The following EIPR1 variants were observed in gnomAD, a reference collection of about 807,000 sequenced individuals.
EIPR1 encodes the protein EARP and GARP complex-interacting protein 1.
EIPR1 carries 25 observed loss-of-function variants against 48.1 expected under a neutral mutation model. That is an observed-to-expected ratio of 0.52 (90% CI 0.38 to 0.73). EIPR1 has a LOEUF of 0.73. Ranked by LOEUF, EIPR1 falls within the 30% of genes least tolerant of loss-of-function variation. The probability of loss-of-function intolerance (pLI) is 0.00; values close to 1 mark genes in which losing one functional copy is unlikely to be tolerated. For missense variants in EIPR1, 415 were observed against 506.2 expected (o/e 0.82, Z 1.73); for synonymous variants, 204 against 201.9 (o/e 1.01, Z -0.09).
chr2:3,193,112 C>T (rs1306159653), intron 7 of EIPR1, among the ~76,000 whole-genome samples: 1 of 152,212 alleles, frequency 6.6e-6, no homozygotes, highest in Non-Finnish European at 1.5e-5. Context: ...CCAAAACAAG[C>T]TCCAGGGCCC....
At chr2:3,292,489 C>T (rs192230287) in intron 3 of EIPR1, among the ~76,000 whole-genome samples, 23 of 152,292 alleles carry the variant, frequency 1.5e-4, no homozygotes, top group Middle Eastern at 3.4e-3. Flanking sequence ...CACAGACAGC[C>T]GGCTCTGCGC....
In EIPR1 at chr2:3,225,587, T is replaced by A. The variant is rs188394605; in HGVS notation, c.417-11339A>T. Among the ~76,000 whole-genome samples, 520 of 152,316 alleles carry A rather than the reference T, an allele frequency of 3.4e-3. 4 individuals are homozygous for A. The highest frequency in any genetic ancestry group is 0.012 in the African/African-American group (498 of 41,548). On this transcript the variant is annotated intron_variant, in intron 4 of 8. Transcript: ENST00000382125. The stretch of plus-strand genomic sequence containing the variant: ...ATATGCACACACATTGTGAAATGAC[T>A]GCCACAATTAACTAATAACATATCC...
intron 5 of EIPR1, among the ~76,000 whole-genome samples, chr2:3,211,795 C>T (rs756784018): frequency 6.6e-6 from 1 of 152,200 alleles, no homozygotes; most frequent in African/African-American, 2.4e-5. Flanking sequence ...CCGCCACTGT[C>T]GGCTCCTTGA....
At chr2:3,258,106 T>A (rs1051332660) in intron 3 of EIPR1, among the ~76,000 whole-genome samples, 2 of 151,362 alleles carry the variant, frequency 1.3e-5, no homozygotes, top group African/African-American at 4.9e-5. Context: ...CCTTACACGA[T>A]CCTGCTGGTG....
At chr2:3,281,988 T>C (rs1668027164) in intron 3 of EIPR1, among the ~76,000 whole-genome samples, 1 of 152,198 alleles carries the variant, frequency 6.6e-6, no homozygotes, top group African/African-American at 2.4e-5. Context: ...CAAGTTCAAA[T>C]GCCAGGATGC....
intron 2 of EIPR1, among the ~76,000 whole-genome samples, chr2:3,346,000 A>C (rs1670389476): frequency 6.6e-6 from 1 of 152,264 alleles, no homozygotes; most frequent in Admixed American, 6.5e-5. Flanking sequence ...GGAAACCCTT[A>C]TGAAACAGAT....
intron 5 of EIPR1, among the ~76,000 whole-genome samples, chr2:3,197,413 T>G (rs1351283987): frequency 6.6e-6 from 1 of 152,192 alleles, no homozygotes; most frequent in African/African-American, 2.4e-5. Context: ...GACAAACACA[T>G]TCACTTGGTC....
At chr2:3,232,988 T>G (rs951790816) in intron 4 of EIPR1, among the ~76,000 whole-genome samples, 1 of 152,192 alleles carries the variant, frequency 6.6e-6, no homozygotes, top group African/African-American at 2.4e-5. Context: ...CTGTATTACT[T>G]TACACTGTAA....
rs1322695522 is a variant in EIPR1 at position 3,224,188 on chromosome 2, G to A, written c.417-9940C>T. On this transcript the variant is annotated intron_variant, in intron 4 of 8. Coordinates refer to ENST00000382125, the MANE Select transcript of EIPR1 (RefSeq NM_003310.5). ...TGTAGTCTCTGCCTGGTCCCATCTCGGCCTGTATTTGCCGTTTTCCATCAT... is the reference window on the plus strand; with the variant it reads ...TGTAGTCTCTGCCTGGTCCCATCTCAGCCTGTATTTGCCGTTTTCCATCAT... Among the ~76,000 whole-genome samples the A allele has an allele frequency of 3.9e-5, 6 of 152,138 alleles. No homozygotes were observed. In the East Asian group the frequency reaches 9.7e-4, roughly 25 times the overall value.
chr2:3,221,514 G>A (rs1665888953), intron 4 of EIPR1, among the ~76,000 whole-genome samples: 1 of 11,390 alleles, frequency 8.8e-5, no homozygotes, highest in Non-Finnish European at 2.8e-4. Flanking sequence ...AATGGCCGAG[G>A]TACACTCTAG....
At chr2:3,265,192 G>T (rs1373107030) in intron 3 of EIPR1, among the ~76,000 whole-genome samples, 1 of 55,790 alleles carries the variant, frequency 1.8e-5, no homozygotes, top group Non-Finnish European at 3.5e-5. Flanking sequence ...GAACATTAGA[G>T]GGGTGTGCAG....
intron 3 of EIPR1, among the ~76,000 whole-genome samples, chr2:3,325,131 G>C (rs2103330908): frequency 6.6e-6 from 1 of 152,290 alleles, no homozygotes; most frequent in East Asian, 1.9e-4. Flanking sequence ...GCTACAACTG[G>C]GCCCAAAAAG....
At chr2:3,295,744 T>C (rs1668552642) in intron 3 of EIPR1, among the ~76,000 whole-genome samples, 3 of 93,524 alleles carry the variant, frequency 3.2e-5, no homozygotes, top group Non-Finnish European at 4.2e-5. Flanking sequence ...ACACACACCC[T>C]CCATCCAGCC....
At chr2:3,206,044 A>AT (rs2103122476) in intron 5 of EIPR1, among the ~76,000 whole-genome samples, 1 of 152,264 alleles carries the variant, frequency 6.6e-6, no homozygotes, top group African/African-American at 2.4e-5. Flanking sequence ...CTATGGTCTG[A>AT]TGGAGGCGAT....
At chr2:3,346,602 A>C (rs1251237474) in intron 2 of EIPR1, among the ~76,000 whole-genome samples, 1 of 152,176 alleles carries the variant, frequency 6.6e-6, no homozygotes, top group East Asian at 1.9e-4. Context: ...GAGAAAAATA[A>C]ATACACAATA....
intron 4 of EIPR1, among the ~76,000 whole-genome samples, chr2:3,242,555 A>T (rs1426633789): frequency 6.6e-6 from 1 of 151,288 alleles, no homozygotes; most frequent in Non-Finnish European, 1.5e-5. Flanking sequence ...CAGGCCCCTG[A>T]CTCCACACCA....
intron 5 of EIPR1, among the ~76,000 whole-genome samples, chr2:3,204,831 C>A (rs941235617): frequency 5.3e-5 from 8 of 152,176 alleles, no homozygotes; most frequent in Admixed American, 1.3e-4. Context: ...GCACTGCGCT[C>A]ACAGCAGACC....
chr2:3,310,309 T>C (rs532725247), intron 3 of EIPR1, among the ~76,000 whole-genome samples: 41 of 152,272 alleles, frequency 2.7e-4, no homozygotes, highest in African/African-American at 9.9e-4. Context: ...CTTTTTAATA[T>C]TTTTCTTAGG....
chr2:3,203,442 G>C (rs1226534213), intron 5 of EIPR1, among the ~76,000 whole-genome samples: 2 of 152,244 alleles, frequency 1.3e-5, no homozygotes, highest in Admixed American at 6.5e-5. Flanking sequence ...GATTGAAGGG[G>C]AACCACGTGC....
Sources: allele counts gnomAD v4.1 joint callset (sites outside exome capture counted in the v4.1 genomes callset), GRCh38; gene constraint gnomAD v4.1.1; transcripts MANE v1.5; gene names NCBI Gene and HGNC (gene_info 2026-07-23, HGNC 2026-07-21).